Variants in BCL2L13 observed in about 807,000 individuals in gnomAD.
The protein encoded by BCL2L13 is bcl-2-like protein 13.
BCL2L13 carries 13 observed loss-of-function variants against 25.8 expected under a neutral mutation model. The observed-to-expected ratio is 0.50, with a 90% CI of 0.33 to 0.80. The LOEUF (loss-of-function observed/expected upper bound fraction) is 0.80. Ranked by LOEUF, BCL2L13 falls within the 30% of genes least tolerant of loss-of-function variation. The probability of loss-of-function intolerance (pLI) is 0.02; values close to 1 mark genes in which losing one functional copy is unlikely to be tolerated. For synonymous variants in BCL2L13, 244 were observed against 230.3 expected, an observed-to-expected ratio of 1.06 and a Z score of -0.54; for missense variants, 504 against 574.9, an observed-to-expected ratio of 0.88 and a Z score of 1.26.
intron 2 of BCL2L13, among the ~76,000 whole-genome samples, chr22:17,661,125 T>C (rs2059052619): frequency 6.9e-6 from 1 of 144,534 alleles, no homozygotes; most frequent in African/African-American, 2.4e-5. Flanking sequence ...GGACATTTCA[T>C]TTTGTCACCC....
In BCL2L13 at chr22:17,638,766, C is replaced by T. The variant is rs1177949508; in HGVS notation, c.-171C>T. 6.5e-6 allele frequency: 8 copies of T among 1,231,706 alleles called. No homozygotes were observed. The East Asian group carries it at 1.9e-4, about 29-fold the overall frequency. The allele number at this position is 1,231,706 out of a possible 1,614,324, so 76.3% of individuals were successfully genotyped here. A position where few individuals can be genotyped will look rare whatever the true frequency, so the allele number is the denominator to read the frequency against. ...ACGCCGGGGTGACCTCACCCTCCAA[C>T]ATGGCGGCGGCGGTAGATTAGGGCC... On this transcript the variant is annotated 5_prime_UTR_variant, in exon 1 of 7. Coordinates refer to ENST00000317582, the MANE Select transcript of BCL2L13 (RefSeq NM_015367.4).
Position 17,640,179 on chromosome 22 carries a change from G to A in BCL2L13, c.-51+1293G>A, listed in dbSNP as rs116628931. On this transcript the variant is annotated intron_variant, in intron 1 of 6. Transcript: ENST00000317582. The stretch of plus-strand genomic sequence containing the variant: ...ATACCTTTTTTTCAACCACCCCCGC[G>A]CCACCGCATGAAGTATTATTTTCAT... Among the ~76,000 whole-genome samples the A allele has an allele frequency of 6.8e-3, 1,026 of 151,980 alleles. 10 individuals are homozygous for A. The highest frequency in any genetic ancestry group is 0.023 in the African/African-American group (954 of 41,440).
At chr22:17,693,032 T>C (rs2060148993) in intron 4 of BCL2L13, among the ~76,000 whole-genome samples, 1 of 152,130 alleles carries the variant, frequency 6.6e-6, no homozygotes, top group African/African-American at 2.4e-5. Context: ...TGTCATGGCA[T>C]GTGTCAGAAT....
upstream of BCL2L13, among the ~76,000 whole-genome samples, chr22:17,635,931 CA>C (rs1568907505): frequency 9.9e-5 from 15 of 151,554 alleles, no homozygotes; most frequent in Non-Finnish European, 2.2e-4. Flanking sequence ...GGATGGTCTC[CA>C]TCTCCTGACC....
intron 3 of BCL2L13, among the ~76,000 whole-genome samples, chr22:17,688,029 G>A (rs1267086987): frequency 1.3e-5 from 2 of 151,734 alleles, no homozygotes; most frequent in Non-Finnish European, 2.9e-5. Flanking sequence ...TGTTGGTCAA[G>A]CTGGTCTCGA....
chr22:17,727,677 A>G lies in BCL2L13; in HGVS notation c.*143A>G. The stretch of plus-strand genomic sequence containing the variant: ...CTGCTCAACATGGCAGTGGCATGTT[A>G]GGCATGTTAGGGCTTGAGGTGGGGC... On this transcript the variant is annotated 3_prime_UTR_variant, in exon 7 of 7. Transcript: ENST00000317582. The G allele has an allele frequency of 1.8e-6, 2 of 1,114,028 alleles. No individual in the cohort carries two copies. Among genetic ancestry groups the G allele is most frequent in the Non-Finnish European group, 2.5e-6 (2 of 790,896 alleles). 69.0% of individuals were successfully genotyped at this position (1,114,028 alleles called of 1,614,324 possible).
chr22:17,717,635 T>G (rs1046244986), intron 6 of BCL2L13, among the ~76,000 whole-genome samples: 2 of 152,160 alleles, frequency 1.3e-5, no homozygotes, highest in African/African-American at 4.8e-5. Flanking sequence ...GATTGTTTTA[T>G]TACCAGCACC....
At chr22:17,689,261 CT>C in intron 4 of BCL2L13, 119 bp downstream of exon 4, 1 of 873,866 alleles carries the variant, frequency 1.1e-6, no homozygotes, top group Non-Finnish European at 1.6e-6. Context: ...TCTCACTTTT[CT>C]TTACATTTTC....
intron 3 of BCL2L13, among the ~76,000 whole-genome samples, chr22:17,685,134 A>G (rs2059886495): frequency 6.6e-6 from 1 of 152,124 alleles, no homozygotes; most frequent in African/African-American, 2.4e-5. Context: ...TCGGTCTCCC[A>G]AAGTGCTGGG....
chr22:17,702,508 A>G (rs2060468470), intron 6 of BCL2L13, 122 bp downstream of exon 6: 4 of 953,412 alleles, frequency 4.2e-6, no homozygotes, highest in Non-Finnish European at 4.3e-6. Flanking sequence ...TGCTGGCACT[A>G]TCATGGCAGG....
chr22:17,642,134 T>C (rs1236073878), intron 1 of BCL2L13, among the ~76,000 whole-genome samples: 2 of 140,832 alleles, frequency 1.4e-5, no homozygotes, highest in African/African-American at 5.3e-5. Context: ...TCTCTCTTTT[T>C]TTTTTTTTTT....
At chr22:17,666,816 T>G (rs1220886838) in intron 2 of BCL2L13, among the ~76,000 whole-genome samples, 1 of 151,614 alleles carries the variant, frequency 6.6e-6, no homozygotes, top group Non-Finnish European at 1.5e-5. Flanking sequence ...GCCTCCTGAG[T>G]AGCTGGGTTT....
At chr22:17,717,914 C>T (rs148334423) in intron 6 of BCL2L13, among the ~76,000 whole-genome samples, 230 of 152,250 alleles carry the variant, frequency 1.5e-3, no homozygotes, top group African/African-American at 5.3e-3. Context: ...TGGCAAAACA[C>T]TGTCTCTACA....
At chr22:17,652,155 C>A (rs1601520210) in intron 1 of BCL2L13, among the ~76,000 whole-genome samples, 1 of 152,110 alleles carries the variant, frequency 6.6e-6, no homozygotes, top group Non-Finnish European at 1.5e-5. Flanking sequence ...TTTAATACAC[C>A]TACCAAACAT....
chr22:17,670,243 T>G (rs2535690), intron 2 of BCL2L13, among the ~76,000 whole-genome samples: 21,224 of 152,224 alleles, frequency 0.14, 2,028 homozygotes, highest in Non-Finnish European at 0.21. Context: ...TTGACTATTC[T>G]GTGTCTCTTG....
chr22:17,726,981 C>T lies in BCL2L13; in HGVS notation c.905C>T (p.Ser302Phe). The stretch of plus-strand genomic sequence containing the variant: ...GCTGGAGAGAAGAGTGAGAACAACT[C>T]CTCTAATTCTGACATTGTGCACGTG... ...NGAGEKSENN[S>F]SNSDIVHVEK... The change falls in exon 7 of 7, where the codon TCC becomes TTC. Residue 302 changes from serine (S) to phenylalanine (F), a missense_variant. By Grantham distance (155) the Ser-to-Phe change is radical. Coordinates refer to ENST00000317582, the MANE Select transcript of BCL2L13 (RefSeq NM_015367.4). 6.2e-7 allele frequency: 1 copy of T among 1,614,166 alleles called. No individual in the cohort carries two copies. Among genetic ancestry groups the T allele is most frequent in the Non-Finnish European group, 8.5e-7 (1 of 1,180,018 alleles).
intron 5 of BCL2L13, among the ~76,000 whole-genome samples, chr22:17,697,977 A>G (rs2060314185): frequency 6.6e-6 from 1 of 152,012 alleles, no homozygotes; most frequent in Non-Finnish European, 1.5e-5. Context: ...CACCTTGCCC[A>G]GCTAATTTTT....
chr22:17,727,416 G>C lies in BCL2L13; in HGVS notation c.1340G>C (p.Gly447Ala). 6.2e-7 allele frequency: 1 copy of C among 1,614,254 alleles called. No individual in the cohort carries two copies. The highest frequency in any genetic ancestry group is 1.3e-5 in the African/African-American group (1 of 75,072). Reference sequence around the variant, plus strand: ...GGCAAGTCTAGACTGTCCCCCGCCGGTGAGATGAAGCCCATGCCGCTGTCT... The same window carrying C: ...GGCAAGTCTAGACTGTCCCCCGCCGCTGAGATGAAGCCCATGCCGCTGTCT... ...SEGKSRLSPAGEMKPMPLSEG... is the reference protein window; with the variant it reads ...SEGKSRLSPAAEMKPMPLSEG... The change falls in exon 7 of 7, where the codon GGT becomes GCT. Residue 447 changes from glycine to alanine, a missense_variant. Coordinates refer to ENST00000317582, the MANE Select transcript of BCL2L13 (RefSeq NM_015367.4).
At chr22:17,673,923 G>C (rs936873092) in intron 2 of BCL2L13, among the ~76,000 whole-genome samples, 1 of 151,886 alleles carries the variant, frequency 6.6e-6, no homozygotes, top group African/African-American at 2.4e-5. Flanking sequence ...AAATCTTTAC[G>C]TTGTAACTCT....
Sources: gnomAD v4.1 joint callset for allele counts (sites outside exome capture counted in the v4.1 genomes callset) on GRCh38, gnomAD v4.1.1 for gene constraint, MANE v1.5 for transcripts, NCBI Gene and HGNC (gene_info 2026-07-23, HGNC 2026-07-21) for gene names.